The following BTLA variants were observed in gnomAD, a reference collection of about 807,000 sequenced individuals.
BTLA encodes the protein B- and T-lymphocyte attenuator.
In BTLA, 11 loss-of-function variants were observed where a neutral mutation model predicts 25.0. That is an observed-to-expected ratio of 0.44 (90% CI 0.28 to 0.73). BTLA has a LOEUF of 0.73. Ranked by LOEUF, BTLA falls within the 30% of genes least tolerant of loss-of-function variation. The pLI is 0.15. For synonymous variants in BTLA, 104 were observed against 119.8 expected (o/e 0.87, Z 0.86); for missense variants, 282 against 332.8 (o/e 0.85, Z 1.19).
chr3:112,483,288 A>G (rs2082327817), intron 1 of BTLA, among the ~76,000 whole-genome samples: 1 of 151,226 alleles, frequency 6.6e-6, no homozygotes, highest in Non-Finnish European at 1.5e-5. Context: ...AACTGGGATT[A>G]CAGGCGCCCA....
At chr3:112,485,528 C>T (rs1559828455) in intron 1 of BTLA, among the ~76,000 whole-genome samples, 1 of 152,166 alleles carries the variant, frequency 6.6e-6, no homozygotes, top group Non-Finnish European at 1.5e-5. Flanking sequence ...TTGGCTGTTA[C>T]TCAACTTCCA....
chr3:112,496,323 AG>A (rs1335001515), intron 1 of BTLA, among the ~76,000 whole-genome samples: 2 of 152,200 alleles, frequency 1.3e-5, no homozygotes, highest in Non-Finnish European at 2.9e-5. Flanking sequence ...CCACACACTG[AG>A]GGGCAAGTTT....
intron 2 of BTLA, among the ~76,000 whole-genome samples, chr3:112,474,827 T>C (rs1188766635): frequency 6.6e-6 from 1 of 152,158 alleles, no homozygotes; most frequent in Admixed American, 6.5e-5. Flanking sequence ...TTATGGCAAG[T>C]AAGGCCGTCA....
In BTLA at chr3:112,466,175, T is replaced by G; in HGVS notation, c.803A>C (p.Asn268Thr). The G allele has an allele frequency of 6.2e-7, 1 of 1,613,162 alleles. No individual in the cohort carries two copies. Among genetic ancestry groups the G allele is most frequent in the Non-Finnish European group, 8.5e-7 (1 of 1,179,318 alleles). ...TTTTACATTTCTTGCCAGTCTTGAG[T>G]TCGGTCCAATGACAGAATGGTTCAG... is the stretch of plus-strand genomic sequence containing the variant. ...ASLNHSVIGP[N>T]SRLARNVKEA... is the part of the protein sequence containing the mutation. The change falls in exon 5 of 5, where the codon AAC becomes ACC. Residue 268 changes from asparagine (N) to threonine (T), a missense_variant. Asn to Thr is a moderately conservative substitution (Grantham distance 65, BLOSUM62 0). This residue lies in a region of BTLA where 119 missense variants were observed against 102.3 expected (regional missense o/e 1.16). Coordinates refer to ENST00000334529, the MANE Select transcript of BTLA (RefSeq NM_181780.4).
intron 1 of BTLA, among the ~76,000 whole-genome samples, chr3:112,495,994 G>A (rs750509033): frequency 3.3e-5 from 5 of 152,184 alleles, no homozygotes; most frequent in African/African-American, 4.8e-5. Flanking sequence ...TACTGAACCA[G>A]ACTAGGATTG....
intron 1 of BTLA, among the ~76,000 whole-genome samples, chr3:112,495,974 G>T (rs1414132809): frequency 6.6e-6 from 1 of 152,204 alleles, no homozygotes; most frequent in African/African-American, 2.4e-5. Flanking sequence ...GAATACAGGT[G>T]TCTTTCCCTT....
In BTLA at chr3:112,492,265, C is replaced by T. The variant is rs188104675; in HGVS notation, c.88+7006G>A. Among the ~76,000 whole-genome samples the T allele has an allele frequency of 1.8e-3, 281 of 152,286 alleles. 4 individuals carry two copies. Among genetic ancestry groups the T allele is most frequent in the Admixed American group, 0.017 (265 of 15,294 alleles). ...CCCTTGAATAGTAAAAGCTTCTAGTCAACTTAATGAGTCCTAAAGAACAAT... is the reference window on the plus strand; with the variant it reads ...CCCTTGAATAGTAAAAGCTTCTAGTTAACTTAATGAGTCCTAAAGAACAAT... On this transcript the variant is annotated intron_variant, in intron 1 of 4. Coordinates refer to ENST00000334529, the MANE Select transcript of BTLA (RefSeq NM_181780.4).
Position 112,464,016 on chromosome 3 carries a change from C to A in BTLA, c.*2092G>T, listed in dbSNP as rs2082211249. 5.1e-6 allele frequency: 2 copies of A among 394,580 alleles called. No homozygotes were observed. The highest frequency in any genetic ancestry group is 4.1e-5 in the African/African-American group (2 of 48,504). 24.4% of individuals were successfully genotyped at this position (394,580 alleles called of 1,614,324 possible). A position where few individuals can be genotyped will look rare whatever the true frequency, so the allele number is the denominator to read the frequency against. On this transcript the variant is annotated 3_prime_UTR_variant, in exon 5 of 5. Coordinates refer to ENST00000334529, the MANE Select transcript of BTLA (RefSeq NM_181780.4). ...TTTACCTTCTCATTGAGCACAATCA[C>A]AAGCTTAAAATTTGTGAAAAACCAT...
intron 1 of BTLA, among the ~76,000 whole-genome samples, chr3:112,485,633 G>A (rs2082342747): frequency 6.6e-6 from 1 of 151,866 alleles, no homozygotes; most frequent in Non-Finnish European, 1.5e-5. Context: ...GAGCGATCTC[G>A]GTTCACTGCA....
chr3:112,467,798 G>A (rs1202867551), intron 4 of BTLA, among the ~76,000 whole-genome samples: 1 of 152,210 alleles, frequency 6.6e-6, no homozygotes, highest in Non-Finnish European at 1.5e-5. Flanking sequence ...GCCTGGTTGA[G>A]GTCAGTAGGT....
At chr3:112,472,356 T>A (rs2107312689) in intron 2 of BTLA, among the ~76,000 whole-genome samples, 1 of 152,214 alleles carries the variant, frequency 6.6e-6, no homozygotes, top group East Asian at 1.9e-4. Context: ...GTTGTTGTTT[T>A]TTTTAATTTT....
At chr3:112,488,228 C>CTTTTTT (rs546779181) in intron 1 of BTLA, among the ~76,000 whole-genome samples, 2 of 124,838 alleles carry the variant, frequency 1.6e-5, no homozygotes, top group African/African-American at 3.1e-5. Flanking sequence ...TTTCTTTTTT[C>CTTTTTT]TTTTTTTTTT....
At chr3:112,466,434 G>A in intron 4 of BTLA, 51 bp from the exon 5 acceptor site, 3 of 1,467,548 alleles carry the variant, frequency 2.0e-6, no homozygotes, top group Non-Finnish European at 2.7e-6. Context: ...CCATGGTAGT[G>A]CATATTCATT....
At chr3:112,492,629 CA>C (rs1281330861) in intron 1 of BTLA, among the ~76,000 whole-genome samples, 1 of 152,318 alleles carries the variant, frequency 6.6e-6, no homozygotes, top group African/African-American at 2.4e-5. Context: ...ACAGACATCA[CA>C]CTGAGATTCA....
chr3:112,489,280 C>T (rs1301335826), intron 1 of BTLA, among the ~76,000 whole-genome samples: 1 of 152,098 alleles, frequency 6.6e-6, no homozygotes, highest in Non-Finnish European at 1.5e-5. Flanking sequence ...ACTGTATAGT[C>T]TCGTAACTCC....
intron 1 of BTLA, among the ~76,000 whole-genome samples, chr3:112,488,974 A>G (rs1045226378): frequency 1.3e-5 from 2 of 152,066 alleles, no homozygotes; most frequent in African/African-American, 4.8e-5. Flanking sequence ...CTAGTCTGCT[A>G]CTTCCTTGAT....
intron 4 of BTLA, 133 bp downstream of exon 4, chr3:112,469,625 A>ATCGTACATAGAATATG: frequency 9.8e-4 from 20 of 20,468 alleles, no homozygotes; most frequent in Non-Finnish European, 6.4e-3. Flanking sequence ...ATATATATAT[A>ATCGTACATAGAATATG]TATATATATA....
In BTLA at chr3:112,499,441, T is replaced by TTAC. The variant is rs1051388073; in HGVS notation, c.-86_-84dup. ...CTGAGTGCTGCAGAGTTGGGTCAGT[T>TTAC]TACCTACCCCAGTGGCATCTGTGAA... On this transcript the variant is annotated 5_prime_UTR_variant, in exon 1 of 5. Transcript: ENST00000334529. The TTAC allele has an allele frequency of 7.4e-5, 80 of 1,079,152 alleles. No homozygotes were observed. Among genetic ancestry groups the TTAC allele is most frequent in the Admixed American group, 3.1e-4 (14 of 45,664 alleles). The allele number at this position is 1,079,152 out of a possible 1,614,324, so 66.8% of individuals were successfully genotyped here.
chr3:112,482,362 G>A (rs1236703409), intron 1 of BTLA, among the ~76,000 whole-genome samples: 1 of 152,202 alleles, frequency 6.6e-6, no homozygotes, highest in Admixed American at 6.5e-5. Context: ...TACAAAGACA[G>A]CTAAAGGCCT....
Sources: allele counts gnomAD v4.1 joint callset (sites outside exome capture counted in the v4.1 genomes callset), GRCh38; gene constraint gnomAD v4.1.1; regional missense constraint gnomAD v4.1.1; transcripts MANE v1.5; gene names NCBI Gene and HGNC (gene_info 2026-07-23, HGNC 2026-07-21).